COX10: variants seen among roughly 807,000 people sequenced by gnomAD.
The protein encoded by COX10 is protoheme IX farnesyltransferase, mitochondrial.
A neutral mutation model predicts 37.3 loss-of-function variants in COX10; 27 were observed. The observed-to-expected ratio is 0.72, with a 90% CI of 0.53 to 1.00. The LOEUF is 1.00. Ranked by LOEUF, COX10 falls within the 50% of genes least tolerant of loss-of-function variation. The probability of loss-of-function intolerance (pLI) is 0.00; values close to 1 mark genes in which losing one functional copy is unlikely to be tolerated. For missense variants in COX10, 475 were observed against 563.2 expected, an observed-to-expected ratio of 0.84 and a Z score of 1.59; for synonymous variants, 222 against 229.1, an observed-to-expected ratio of 0.97 and a Z score of 0.28.
chr17:14,186,445 C>G (rs562280660), intron 5 of COX10, among the ~76,000 whole-genome samples: 2 of 151,890 alleles, frequency 1.3e-5, no homozygotes, highest in Admixed American at 1.3e-4. Flanking sequence ...ACCCATCCAT[C>G]GGGTCTCAGT....
At chr17:14,132,578 T>G (rs2142220368) in intron 4 of COX10, among the ~76,000 whole-genome samples, 1 of 151,878 alleles carries the variant, frequency 6.6e-6, no homozygotes, top group Admixed American at 6.6e-5. Flanking sequence ...AAAATTAAAT[T>G]TTATATATTT....
At chr17:14,183,963 T>C (rs1377918678) in intron 5 of COX10, among the ~76,000 whole-genome samples, 2 of 152,236 alleles carry the variant, frequency 1.3e-5, no homozygotes, top group African/African-American at 4.8e-5. Context: ...TTTTAATGAA[T>C]GAATGAATGA....
chr17:14,139,415 A>G (rs1005514538), intron 4 of COX10, among the ~76,000 whole-genome samples: 6 of 152,186 alleles, frequency 3.9e-5, no homozygotes, highest in Admixed American at 3.3e-4. Context: ...ACTTAGAGCA[A>G]ATGTACTGCC....
intron 4 of COX10, among the ~76,000 whole-genome samples, chr17:14,138,921 C>T (rs1312506022): frequency 2.6e-5 from 4 of 151,992 alleles, no homozygotes; most frequent in South Asian, 2.1e-4. Flanking sequence ...TCAGTAGTGA[C>T]GAAGCAACGG....
chr17:14,175,083 C>CGGGG (rs551562401), intron 5 of COX10, among the ~76,000 whole-genome samples: 8 of 16,358 alleles, frequency 4.9e-4, no homozygotes, highest in African/African-American at 7.5e-4. Context: ...TGGGAAATAG[C>CGGGG]GGGGGGGGGG....
intron 5 of COX10, among the ~76,000 whole-genome samples, chr17:14,168,545 C>T (rs764384796): frequency 2.0e-5 from 3 of 152,228 alleles, no homozygotes; most frequent in Non-Finnish European, 4.4e-5. Flanking sequence ...CAGACTTCTG[C>T]CTAGACATCC....
intron 3 of COX10, among the ~76,000 whole-genome samples, chr17:14,077,749 G>A (rs1915189310): frequency 6.6e-6 from 1 of 152,086 alleles, no homozygotes; most frequent in African/African-American, 2.4e-5. Flanking sequence ...TGCAACTTGA[G>A]GGAGACCTGG....
intron 5 of COX10, among the ~76,000 whole-genome samples, chr17:14,182,444 C>T (rs1445510122): frequency 6.6e-6 from 1 of 151,914 alleles, no homozygotes; most frequent in Non-Finnish European, 1.5e-5. Flanking sequence ...GTTTTGTTTT[C>T]TCATTTTCTT....
intron 4 of COX10, among the ~76,000 whole-genome samples, chr17:14,120,180 T>C (rs557298835): frequency 1.9e-4 from 29 of 152,264 alleles, no homozygotes; most frequent in African/African-American, 6.5e-4. Context: ...GGTGGAAGGA[T>C]CATAAGTTCA....
chr17:14,081,026 A>G (rs1915281139), intron 3 of COX10, among the ~76,000 whole-genome samples: 1 of 152,166 alleles, frequency 6.6e-6, no homozygotes, highest in Non-Finnish European at 1.5e-5. Flanking sequence ...GATTAAGAAA[A>G]CTGCTGTGGT....
At chr17:14,103,407 C>A (rs963432719) in intron 4 of COX10, among the ~76,000 whole-genome samples, 1 of 152,060 alleles carries the variant, frequency 6.6e-6, no homozygotes, top group African/African-American at 2.4e-5. Flanking sequence ...ACATCTGGGA[C>A]CCGAGGTTAA....
chr17:14,071,814 C>T (rs919990201), intron 1 of COX10, among the ~76,000 whole-genome samples: 13 of 150,898 alleles, frequency 8.6e-5, no homozygotes, highest in African/African-American at 3.2e-4. Context: ...GCAGGTGAAT[C>T]GCTTGAATCC....
chr17:14,137,072 A>G (rs1444545874), intron 4 of COX10, among the ~76,000 whole-genome samples: 3 of 151,860 alleles, frequency 2.0e-5, no homozygotes, highest in Non-Finnish European at 4.4e-5. Flanking sequence ...TGTTTTACCA[A>G]GAGTTGGTGA....
rs555356215 is a variant in COX10 at position 14,091,898 on chromosome 17, T to C, written c.500-10220T>C. On this transcript the variant is annotated intron_variant, in intron 3 of 6. Coordinates refer to ENST00000261643, the MANE Select transcript of COX10 (RefSeq NM_001303.4). ...TTGTGAACACTGTCCAACTAACAAT[T>C]TTTTTGCCAAACTCAGTTTTGAAAC... Among the ~76,000 whole-genome samples, 140 of 152,116 alleles carry C rather than the reference T, an allele frequency of 9.2e-4. No individual in the cohort carries two copies. The Middle Eastern group carries it at 0.02, about 22-fold the overall frequency.
intron 5 of COX10, among the ~76,000 whole-genome samples, chr17:14,187,836 A>AAT (rs1468368112): frequency 2.0e-5 from 3 of 152,172 alleles, no homozygotes; most frequent in Non-Finnish European, 4.4e-5. Flanking sequence ...ATCCTGGGTA[A>AAT]ATAGCTTCAT....
At chr17:14,160,495 CT>C (rs150206262) in intron 5 of COX10, among the ~76,000 whole-genome samples, 2,556 of 151,454 alleles carry the variant, frequency 0.017, 59 homozygotes, top group African/African-American at 0.058. Context: ...ATTTAAAAAA[CT>C]TTTTTTTTAA....
At chr17:14,160,003 A>C in intron 5 of COX10, 56 bp downstream of exon 5, 1 of 1,474,818 alleles carries the variant, frequency 6.8e-7, no homozygotes, top group Non-Finnish European at 9.4e-7. Context: ...TTGCTTGTTC[A>C]TCTGAATCAT....
At chr17:14,193,103 A>G (rs1444075487) in intron 6 of COX10, among the ~76,000 whole-genome samples, 2 of 152,234 alleles carry the variant, frequency 1.3e-5, no homozygotes, top group Non-Finnish European at 1.5e-5. Context: ...TACGAATACC[A>G]TATTCTAAAA....
chr17:14,204,454 C>T (rs370911348), intron 6 of COX10, among the ~76,000 whole-genome samples: 1 of 151,412 alleles, frequency 6.6e-6, no homozygotes, highest in Non-Finnish European at 1.5e-5. Context: ...GCTATTGATA[C>T]CTCCTCCCTC....
Sources: gnomAD v4.1 joint callset for allele counts (sites outside exome capture counted in the v4.1 genomes callset) on GRCh38, gnomAD v4.1.1 for gene constraint, MANE v1.5 for transcripts, NCBI Gene and HGNC (gene_info 2026-07-23, HGNC 2026-07-21) for gene names.